Variants in RBMS3 observed in about 807,000 individuals in gnomAD.
RBMS3 encodes RNA-binding motif, single-stranded-interacting protein 3.
A neutral mutation model predicts 66.8 loss-of-function variants in RBMS3; 27 were observed. The observed-to-expected ratio is 0.40, with a 90% CI of 0.30 to 0.56. The LOEUF (loss-of-function observed/expected upper bound fraction) is 0.56, where lower values mean the gene tolerates loss of function less well. Ranked by LOEUF, RBMS3 falls within the 20% of genes least tolerant of loss-of-function variation. The pLI is 0.40. For synonymous variants in RBMS3, 188 were observed against 183.0 expected (o/e 1.03, Z -0.22); for missense variants, 513 against 549.5 (o/e 0.93, Z 0.66).
chr3:29,864,891 A>G (rs1431148417), intron 6 of RBMS3, among the ~76,000 whole-genome samples: 2 of 134,648 alleles, frequency 1.5e-5, no homozygotes, highest in African/African-American at 5.5e-5. Context: ...GGGAGGAAGG[A>G]GGGAAGGAAG....
At chr3:29,632,945 T>A (rs2149179642) in intron 4 of RBMS3, among the ~76,000 whole-genome samples, 1 of 152,018 alleles carries the variant, frequency 6.6e-6, no homozygotes, top group Non-Finnish European at 1.5e-5. Context: ...TTTATTCTAA[T>A]AAGGTTTAGT....
intron 6 of RBMS3, among the ~76,000 whole-genome samples, chr3:29,779,078 T>G (rs2056526866): frequency 6.6e-6 from 1 of 151,884 alleles, no homozygotes; most frequent in African/African-American, 2.4e-5. Context: ...AGTTTCATAC[T>G]TCAACACTCA....
intron 4 of RBMS3, among the ~76,000 whole-genome samples, chr3:29,712,347 C>G (rs147934798): frequency 5.9e-4 from 90 of 152,236 alleles, no homozygotes; most frequent in African/African-American, 2.2e-3. Context: ...GGGTCTCACT[C>G]TGTCACCCAA....
rs548961792 is a variant in RBMS3 at position 29,336,590 on chromosome 3, T to A, written c.75+54834T>A. Among the ~76,000 whole-genome samples, 93 of 152,266 alleles carry A rather than the reference T, an allele frequency of 6.1e-4. 1 individual carries two copies. Among genetic ancestry groups the A allele is most frequent in the Middle Eastern group, 3.4e-3 (1 of 294 alleles). On this transcript the variant is annotated intron_variant, in intron 1 of 14. Coordinates refer to ENST00000383767, the MANE Select transcript of RBMS3 (RefSeq NM_001003793.3). ...AAGCTGGGCCCCTGTAAGAACAGTA[T>A]CACTTCCTATAATTTATTAATCAGC...
At chr3:29,556,132 A>C (rs141060539) in intron 3 of RBMS3, among the ~76,000 whole-genome samples, 130 of 152,126 alleles carry the variant, frequency 8.5e-4, no homozygotes, top group African/African-American at 3.0e-3. Context: ...AAGTTTAAAA[A>C]AAAAGCTTAT....
At chr3:29,617,439 T>A (rs2048709406) in intron 4 of RBMS3, among the ~76,000 whole-genome samples, 1 of 152,216 alleles carries the variant, frequency 6.6e-6, no homozygotes, top group African/African-American at 2.4e-5. Flanking sequence ...AAAGTTGGAA[T>A]AGGTCCTACC....
At chr3:29,677,249 GA>G (rs2051295090) in intron 4 of RBMS3, among the ~76,000 whole-genome samples, 1 of 152,096 alleles carries the variant, frequency 6.6e-6, no homozygotes, top group Admixed American at 6.5e-5. Context: ...TTTGGGTGAG[GA>G]CACAAATCCA....
intron 3 of RBMS3, among the ~76,000 whole-genome samples, chr3:29,527,184 A>C (rs1441966908): frequency 2.1e-5 from 1 of 46,540 alleles, no homozygotes; most frequent in Admixed American, 2.1e-4. Flanking sequence ...GGTAGAGTAA[A>C]AAAAAAAAAA....
chr3:29,947,881 T>C (rs184113422), intron 12 of RBMS3, among the ~76,000 whole-genome samples: 12 of 151,196 alleles, frequency 7.9e-5, no homozygotes, highest in Admixed American at 6.6e-4. Flanking sequence ...AGAAGACTAC[T>C]ATCACTAGAG....
At chr3:29,858,450 A>G (rs1030977336) in intron 6 of RBMS3, among the ~76,000 whole-genome samples, 1 of 152,192 alleles carries the variant, frequency 6.6e-6, no homozygotes, top group Non-Finnish European at 1.5e-5. Context: ...AGATTCTTCT[A>G]ATTTCAAAGG....
intron 1 of RBMS3, among the ~76,000 whole-genome samples, chr3:29,374,934 A>G (rs548204123): frequency 1.3e-5 from 2 of 152,296 alleles, no homozygotes; most frequent in South Asian, 2.1e-4. Flanking sequence ...CCTGCATTCT[A>G]TAATGTGATG....
At chr3:29,761,027 T>C (rs188726659) in intron 5 of RBMS3, among the ~76,000 whole-genome samples, 126 of 152,206 alleles carry the variant, frequency 8.3e-4, no homozygotes, top group African/African-American at 2.9e-3. Flanking sequence ...TCCTACACTC[T>C]CTTGTCATAG....
intron 4 of RBMS3, among the ~76,000 whole-genome samples, chr3:29,639,985 C>T (rs28550419): frequency 2.6e-5 from 4 of 151,718 alleles, no homozygotes; most frequent in African/African-American, 9.7e-5. Context: ...ATGTGTTGTC[C>T]TGAACTCTGA....
At chr3:29,288,344 A>C (rs1321861403) in intron 1 of RBMS3, among the ~76,000 whole-genome samples, 1 of 152,058 alleles carries the variant, frequency 6.6e-6, no homozygotes, top group East Asian at 1.9e-4. Flanking sequence ...TGAAAAATTT[A>C]ACTGTCTTCA....
At position 29,899,312 on chromosome 3, in the gene RBMS3, T is replaced by C. The variant is rs2149606714; in HGVS notation, c.889-393T>C. ...CTTGAGCATTTGAAGTTACAACTGA[T>C]GACAGAAAAAGAGAAAGTCTTAGCA... is the stretch of plus-strand genomic sequence containing the variant. On this transcript the variant is annotated intron_variant, in intron 9 of 14. Transcript: ENST00000383767. Among the ~76,000 whole-genome samples the C allele has an allele frequency of 1.3e-5, 2 of 151,874 alleles. 1 individual carries two copies. Among genetic ancestry groups the C allele is most frequent in the South Asian group, 4.1e-4 (2 of 4,826 alleles).
intron 1 of RBMS3, among the ~76,000 whole-genome samples, chr3:29,343,176 C>T (rs979195212): frequency 6.6e-6 from 1 of 152,030 alleles, no homozygotes; most frequent in Non-Finnish European, 1.5e-5. Context: ...CATGCGTACA[C>T]AGAGGTTATG....
chr3:29,929,708 T>C (rs1469103176), intron 10 of RBMS3, among the ~76,000 whole-genome samples: 1 of 152,188 alleles, frequency 6.6e-6, no homozygotes, highest in Admixed American at 6.5e-5. Flanking sequence ...TATTCTGTTA[T>C]TGGGAAATCT....
intron 6 of RBMS3, among the ~76,000 whole-genome samples, chr3:29,828,079 T>TGA (rs370284060): frequency 1.5e-3 from 221 of 150,682 alleles, no homozygotes; most frequent in Non-Finnish European, 2.0e-3. Context: ...TGTGTGTGTG[T>TGA]GAGAGAGAGA....
At chr3:29,484,823 T>C (rs1375109573) in intron 2 of RBMS3, among the ~76,000 whole-genome samples, 1 of 152,174 alleles carries the variant, frequency 6.6e-6, no homozygotes, top group Non-Finnish European at 1.5e-5. Flanking sequence ...AACAACCACA[T>C]TTGCTAAAAG....
Sources: allele counts gnomAD v4.1 joint callset (sites outside exome capture counted in the v4.1 genomes callset), GRCh38; gene constraint gnomAD v4.1.1; transcripts MANE v1.5; gene names NCBI Gene and HGNC (gene_info 2026-07-23, HGNC 2026-07-21).